Variants in ERCC5 observed in about 807,000 individuals in gnomAD.
ERCC5 encodes the protein DNA excision repair protein ERCC-5.
A neutral mutation model predicts 105.6 loss-of-function variants in ERCC5; 68 were observed. The ratio of observed to expected loss-of-function variants is 0.64; its 90% CI spans 0.53 to 0.79. The LOEUF is 0.79. Among genes scored for constraint, ERCC5 ranks in the 30% least tolerant of loss-of-function variants. The pLI is 0.00. For synonymous variants in ERCC5, 546 were observed against 526.2 expected, an observed-to-expected ratio of 1.04 and a Z score of -0.51; for missense variants, 1,373 against 1,426.7, an observed-to-expected ratio of 0.96 and a Z score of 0.61.
chr13:102,853,936 T>C (rs1882300423), intron 3 of ERCC5, 64 bp downstream of exon 3: 7 of 1,462,000 alleles, frequency 4.8e-6, no homozygotes, highest in Non-Finnish European at 6.7e-6. Context: ...TGTCTTGATT[T>C]CCTGCGATTC....
intron 1 of ERCC5, chr13:102,849,256 A>C (rs892841480): frequency 1.9e-6 from 1 of 518,162 alleles, no homozygotes; most frequent in Admixed American, 1.9e-5. Context: ...AACTTGGGCT[A>C]TTGTAACTCA....
chr13:102,854,836 G>T (rs1019222937), intron 4 of ERCC5, among the ~76,000 whole-genome samples: 2 of 152,012 alleles, frequency 1.3e-5, no homozygotes, highest in African/African-American at 4.8e-5. Context: ...CCGCTCCCCC[G>T]GCATCTCTCT....
rs1595377821 is a variant in ERCC5, at chr13:102,854,064, A to G, written c.380+192A>G. ...GCAATTCTCCGTTCTGTGAGAATCA[A>G]CTTTGCTAATGAGAAAAAAAAGCTG... On this transcript the variant is annotated intron_variant, in intron 3 of 14. Coordinates refer to ENST00000652225, the MANE Select transcript of ERCC5 (RefSeq NM_000123.4). The G allele has an allele frequency of 9.6e-6, 7 of 730,758 alleles. No individual in the cohort carries two copies. The East Asian group carries it at 1.9e-4, about 20-fold the overall frequency. 45.3% of individuals were successfully genotyped at this position (730,758 alleles called of 1,614,324 possible).
Position 102,865,045 on chromosome 13 carries a change from T to C in ERCC5, c.1955-622T>C. 1 of 157,298 alleles carries C rather than the reference T, an allele frequency of 6.4e-6. No homozygotes were observed. Among genetic ancestry groups the C allele is most frequent in the African/African-American group, 2.4e-5 (1 of 41,570 alleles). The allele number at this position is 157,298 out of a possible 1,614,324, so 9.7% of individuals were successfully genotyped here. A position where few individuals can be genotyped will look rare whatever the true frequency, so the allele number is the denominator to read the frequency against. Reference sequence around the variant, plus strand: ...CCACTGGCCTCCTCCTTGGCCCTGCTCTCTTCTTTGCTTCAGCTGTGTCCT... The same window carrying C: ...CCACTGGCCTCCTCCTTGGCCCTGCCCTCTTCTTTGCTTCAGCTGTGTCCT... On this transcript the variant is annotated intron_variant, in intron 8 of 14. Coordinates refer to ENST00000652225, the MANE Select transcript of ERCC5 (RefSeq NM_000123.4). The surrounding 1 kb of genome is among the most constrained non-coding windows in gnomAD (Gnocchi z 4.0).
intron 4 of ERCC5, among the ~76,000 whole-genome samples, chr13:102,855,621 T>A (rs1595378852): frequency 6.6e-6 from 1 of 152,248 alleles, no homozygotes; most frequent in Non-Finnish European, 1.5e-5. Flanking sequence ...CCTGCCTTTC[T>A]TCACATCATC....
intron 14 of ERCC5, chr13:102,874,956 C>T (rs972535445): frequency 5.4e-5 from 13 of 240,522 alleles, no homozygotes; most frequent in African/African-American, 3.0e-4. Flanking sequence ...TATAGTAGGA[C>T]TTAGAAACAG....
chr13:102,862,393 G>A lies in ERCC5; in HGVS notation c.1244G>A (p.Gly415Glu). 1 of 1,614,096 alleles carries A rather than the reference G, an allele frequency of 6.2e-7. No individual in the cohort carries two copies. The highest frequency in any genetic ancestry group is 1.1e-5 in the South Asian group (1 of 91,078). The change falls in exon 8 of 15, where the codon GGA becomes GAA. Residue 415 changes from glycine to glutamate, a missense_variant. Around this residue, in one of 3 missense-constraint regions of ERCC5, gnomAD observed 1,004 missense variants for 1,059.7 expected, o/e 0.95. Transcript: ENST00000652225. ...GATGATGTGCAGACGGGAGGGCCAG[G>A]AGCAGAAGAAATGCGTATAAACAGC... ...AGDDVQTGGPGAEEMRINSST... is the reference protein window; with the variant it reads ...AGDDVQTGGPEAEEMRINSST...
At chr13:102,874,561 T>G (rs61967462) in intron 14 of ERCC5, among the ~76,000 whole-genome samples, 5,854 of 152,244 alleles carry the variant, frequency 0.038, 160 homozygotes, top group Non-Finnish European at 0.055. Flanking sequence ...TCACTCTGTC[T>G]CCCAGGCTGG....
At chr13:102,872,851 T>G (rs909030311) in intron 13 of ERCC5, among the ~76,000 whole-genome samples, 1 of 152,284 alleles carries the variant, frequency 6.6e-6, no homozygotes, top group African/African-American at 2.4e-5. Flanking sequence ...TCCTTTTTAT[T>G]ACTGGTTGTC....
chr13:102,851,307 C>A (rs1407287023), intron 1 of ERCC5, among the ~76,000 whole-genome samples: 1 of 151,992 alleles, frequency 6.6e-6, no homozygotes, highest in African/African-American at 2.4e-5. Flanking sequence ...ATTAGTTTTT[C>A]TTTTTTGAGA....
In ERCC5 at chr13:102,850,854, TAGTTC is replaced by T. The variant is rs1162238784; in HGVS notation, c.89-1261_89-1257del. Among the ~76,000 whole-genome samples, 3 of 152,044 alleles carry T rather than the reference TAGTTC, an allele frequency of 2.0e-5. No individual in the cohort carries two copies. In the East Asian group the frequency reaches 5.8e-4, roughly 29 times the overall value. On this transcript the variant is annotated intron_variant, in intron 1 of 14. Transcript: ENST00000652225. Reference sequence around the variant, plus strand: ...GTATGTGGAGGGGAGTGGAGGTTGATAGTTCAGACAGGAGGAAAGAAGAGGGCCTG... The same window carrying T: ...GTATGTGGAGGGGAGTGGAGGTTGATAGACAGGAGGAAAGAAGAGGGCCTG...
At chr13:102,873,030 G>A (rs929668898) in intron 13 of ERCC5, among the ~76,000 whole-genome samples, 6 of 152,146 alleles carry the variant, frequency 3.9e-5, no homozygotes, top group Admixed American at 6.5e-5. Context: ...ATGTCCTAAA[G>A]TGAGAGCTAA....
At chr13:102,861,735 T>C in intron 7 of ERCC5, 21 bp downstream of exon 7, 2 of 1,613,710 alleles carry the variant, frequency 1.2e-6, no homozygotes, top group African/African-American at 1.3e-5. Flanking sequence ...CCATCATTTA[T>C]ATATTTACAT....
intron 2 of ERCC5, among the ~76,000 whole-genome samples, chr13:102,852,729 A>T (rs1288282209): frequency 1.3e-5 from 2 of 152,238 alleles, no homozygotes; most frequent in Admixed American, 6.5e-5. Flanking sequence ...AAGCAATGTT[A>T]TGTGGTGCCA....
rs748923127 is a variant in ERCC5, at chr13:102,863,085, G to A, written c.1936G>A (p.Glu646Lys). 6.2e-7 allele frequency: 1 copy of A among 1,613,810 alleles called. No individual in the cohort carries two copies. The highest frequency in any genetic ancestry group is 8.5e-7 in the Non-Finnish European group (1 of 1,180,008). Residue 646 changes from glutamate to lysine, a missense_variant, in exon 8 of 15, where the codon GAA (glutamate) becomes AAA (lysine). This residue lies in a region of ERCC5 where 1,004 missense variants were observed against 1,059.7 expected (regional missense o/e 0.95). Coordinates refer to ENST00000652225, the MANE Select transcript of ERCC5 (RefSeq NM_000123.4). ...KAVEPMEIDS[E>K]ESESDGSFIE... The stretch of plus-strand genomic sequence containing the variant: ...CGTGGAACCAATGGAAATTGACTCG[G>A]AAGAAAGTGAATCTGATGGTACGTG...
At chr13:102,871,127 G>A (rs1883016087) in intron 12 of ERCC5, among the ~76,000 whole-genome samples, 1 of 152,170 alleles carries the variant, frequency 6.6e-6, no homozygotes, top group Admixed American at 6.5e-5. Flanking sequence ...AAGATGGCTC[G>A]CGGGGCTGAT....
chr13:102,867,619 G>T (rs1480854832), intron 11 of ERCC5, among the ~76,000 whole-genome samples: 1 of 152,184 alleles, frequency 6.6e-6, no homozygotes, highest in Non-Finnish European at 1.5e-5. Context: ...AAACCCACCA[G>T]GGTCTGGTGT....
In ERCC5 at chr13:102,866,381, G is replaced by C; in HGVS notation, c.2319G>C (p.Gln773His). 6.2e-7 allele frequency: 1 copy of C among 1,614,126 alleles called. No homozygotes were observed. The highest frequency in any genetic ancestry group is 1.3e-5 in the African/African-American group (1 of 75,062). The part of the protein sequence containing the change: ...TVTGQMFLES[Q>H]ELLRLFGIPY... ...CCGGACAGATGTTCCTGGAAAGCCA[G>C]GTGGGTGCAGGCAGCTTGGGTTTCC... Residue 773 changes from glutamine to histidine, a missense_variant and splice_region_variant, in exon 10 of 15, where the codon CAG becomes CAC. By Grantham distance (24) the Gln-to-His change is conservative (BLOSUM62 0). Transcript: ENST00000652225.
rs1882659536 is a variant in ERCC5 at position 102,862,339 on chromosome 13, A to G, written c.1190A>G (p.Asp397Gly). The change falls in exon 8 of 15, where the codon GAT (aspartate) becomes GGT (glycine). Residue 397 changes from aspartate to glycine, a missense_variant. Asp to Gly is a moderately conservative substitution (Grantham distance 94). This residue lies in a region of ERCC5 where 1,004 missense variants were observed against 1,059.7 expected (regional missense o/e 0.95). Transcript: ENST00000652225. The part of the protein sequence containing the change: ...TLSAIKRALD[D>G]DEDVKVCAGD... ...TCAGCCATTAAGAGAGCTCTTGACG[A>G]TGACGAAGATGTAAAAGTGTGTGCT... 1.2e-6 allele frequency: 2 copies of G among 1,614,162 alleles called. No individual in the cohort carries two copies. The highest frequency in any genetic ancestry group is 2.2e-5 in the South Asian group (2 of 91,080).
Sources: gnomAD v4.1 joint callset for allele counts (sites outside exome capture counted in the v4.1 genomes callset) on GRCh38, gnomAD v4.1.1 for gene constraint, gnomAD v4.1.1 regional missense constraint, Gnocchi (gnomAD v3.1) non-coding constraint, MANE v1.5 for transcripts, NCBI Gene and HGNC (gene_info 2026-07-23, HGNC 2026-07-21) for gene names.